The following ADAM2 variants were observed in gnomAD, a reference collection of about 807,000 sequenced individuals.
ADAM2 encodes the protein disintegrin and metalloproteinase domain-containing protein 2.
A neutral mutation model predicts 99.3 loss-of-function variants in ADAM2; 101 were observed. The observed-to-expected ratio is 1.02, with a 90% CI of 0.87 to 1.20. The LOEUF is 1.20. ADAM2 is among the 50% of genes most tolerant of loss of function. The probability of loss-of-function intolerance (pLI) is 0.00; values close to 1 mark genes in which losing one functional copy is unlikely to be tolerated. For missense variants in ADAM2, 948 were observed against 878.7 expected, an observed-to-expected ratio of 1.08 and a Z score of -1.00; for synonymous variants, 323 against 287.6, an observed-to-expected ratio of 1.12 and a Z score of -1.25.
chr8:39,814,012 T>G (rs1391067880), intron 6 of ADAM2, among the ~76,000 whole-genome samples: 1 of 150,672 alleles, frequency 6.6e-6, no homozygotes, highest in Non-Finnish European at 1.5e-5. Flanking sequence ...CACAGATGCA[T>G]GAGAGAATGC....
Position 39,746,584 on chromosome 8 carries a change from G to T in ADAM2, c.2062C>A (p.Pro688Thr). ...AAGAAAGGAATGAATAAGAAAAATG[G>T]CCATCTCATTGGTTTGGAATGGTAA... ...NIYHSKPMRW[P>T]FFLFIPFFII... The change falls in exon 19 of 21, where the codon CCA becomes ACA. Residue 688 changes from proline to threonine, a missense_variant. Physicochemically the swap from Pro to Thr is conservative, Grantham distance 38. Coordinates refer to ENST00000265708, the MANE Select transcript of ADAM2 (RefSeq NM_001464.5). 1.2e-6 allele frequency: 2 copies of T among 1,606,684 alleles called. No individual in the cohort carries two copies. The highest frequency in any genetic ancestry group is 1.7e-6 in the Non-Finnish European group (2 of 1,176,524).
At chr8:39,749,863 A>C in intron 16 of ADAM2, 119 bp from the exon 17 acceptor site, 1 of 665,602 alleles carries the variant, frequency 1.5e-6, no homozygotes, top group Non-Finnish European at 2.6e-6. Flanking sequence ...TTGATTTAGC[A>C]ACAAGAATTA....
intron 16 of ADAM2, among the ~76,000 whole-genome samples, chr8:39,752,179 C>G (rs965136613): frequency 6.6e-6 from 1 of 152,070 alleles, no homozygotes; most frequent in South Asian, 2.1e-4. Flanking sequence ...CACCAATGAC[C>G]AAGCATTTTG....
At chr8:39,834,555 A>G (rs1805742500) in intron 2 of ADAM2, among the ~76,000 whole-genome samples, 2 of 151,948 alleles carry the variant, frequency 1.3e-5, no homozygotes, top group Non-Finnish European at 2.9e-5. Flanking sequence ...CAACATGGTG[A>G]AACCCCATCT....
At chr8:39,747,072 C>T (rs1455767208) in intron 18 of ADAM2, among the ~76,000 whole-genome samples, 2 of 152,010 alleles carry the variant, frequency 1.3e-5, no homozygotes, top group Admixed American at 1.3e-4. Flanking sequence ...TTTTTGTTGT[C>T]GTTTATTTTT....
chr8:39,780,308 T>C (rs760765607), intron 10 of ADAM2, among the ~76,000 whole-genome samples: 1 of 152,102 alleles, frequency 6.6e-6, no homozygotes, highest in Non-Finnish European at 1.5e-5. Context: ...GGAGCTACAA[T>C]TCAAGATGAC....
intron 2 of ADAM2, among the ~76,000 whole-genome samples, 172 bp downstream of exon 2, chr8:39,836,964 T>C (rs1230973284): frequency 6.6e-6 from 1 of 152,184 alleles, no homozygotes. Flanking sequence ...ATTATTTCTG[T>C]GAAACATTGT....
At chr8:39,759,267 A>G (rs1802264048) in intron 15 of ADAM2, among the ~76,000 whole-genome samples, 3 of 152,186 alleles carry the variant, frequency 2.0e-5, no homozygotes, top group South Asian at 4.1e-4. Context: ...GCCAAAATGT[A>G]TCACTTACAC....
intron 10 of ADAM2, among the ~76,000 whole-genome samples, chr8:39,783,671 G>T (rs1478881699): frequency 7.9e-5 from 12 of 152,084 alleles, no homozygotes; most frequent in Admixed American, 7.9e-4. Context: ...ATATTTTAAG[G>T]CCAGGCACAG....
intron 19 of ADAM2, among the ~76,000 whole-genome samples, chr8:39,746,266 A>C (rs889618603): frequency 2.0e-5 from 3 of 152,016 alleles, no homozygotes; most frequent in African/African-American, 7.2e-5. Context: ...GCTTTAAGTG[A>C]TCCACTCGCC....
At chr8:39,782,316 T>G (rs2129584962) in intron 10 of ADAM2, among the ~76,000 whole-genome samples, 1 of 152,304 alleles carries the variant, frequency 6.6e-6, no homozygotes, top group Admixed American at 6.5e-5. Flanking sequence ...CATCTTGTAT[T>G]CCTAGAATAA....
intron 7 of ADAM2, among the ~76,000 whole-genome samples, chr8:39,807,085 G>A (rs1472654176): frequency 2.0e-5 from 3 of 152,174 alleles, no homozygotes; most frequent in Non-Finnish European, 2.9e-5. Context: ...ACCACCCAGC[G>A]ACCCCACCCA....
At chr8:39,819,280 A>T (rs1439101376) in intron 6 of ADAM2, among the ~76,000 whole-genome samples, 1 of 152,114 alleles carries the variant, frequency 6.6e-6, no homozygotes, top group Non-Finnish European at 1.5e-5. Context: ...ATGAGGAAAA[A>T]ATAATCTCTT....
chr8:39,822,840 C>A (rs974235941), intron 4 of ADAM2, among the ~76,000 whole-genome samples: 4 of 151,906 alleles, frequency 2.6e-5, no homozygotes, highest in Non-Finnish European at 5.9e-5. Context: ...GTGATCTCGG[C>A]TCACTGCAAT....
intron 7 of ADAM2, among the ~76,000 whole-genome samples, chr8:39,807,367 G>C (rs1804483218): frequency 6.6e-6 from 1 of 152,152 alleles, no homozygotes; most frequent in South Asian, 2.1e-4. Flanking sequence ...TGAGACTTTG[G>C]ACTTTAAATG....
At chr8:39,779,051 A>G (rs868821627) in intron 10 of ADAM2, among the ~76,000 whole-genome samples, 1 of 151,236 alleles carries the variant, frequency 6.6e-6, no homozygotes, top group East Asian at 1.9e-4. Flanking sequence ...CCTTCCCTGT[A>G]TTCTTACTAG....
intron 3 of ADAM2, among the ~76,000 whole-genome samples, chr8:39,828,347 G>T (rs1038326658): frequency 1.3e-5 from 2 of 151,782 alleles, no homozygotes; most frequent in African/African-American, 4.8e-5. Context: ...ATGGTAATTG[G>T]TAGGAGGACT....
intron 9 of ADAM2, 59 bp downstream of exon 9, chr8:39,788,026 C>G: frequency 8.7e-7 from 1 of 1,143,732 alleles, no homozygotes; most frequent in South Asian, 2.7e-5. Context: ...GTAAGATATT[C>G]GGTCAAATTG....
intron 14 of ADAM2, among the ~76,000 whole-genome samples, 188 bp downstream of exon 14, chr8:39,766,660 G>A (rs1450222518): frequency 2.0e-5 from 3 of 151,980 alleles, no homozygotes; most frequent in Non-Finnish European, 4.4e-5. Flanking sequence ...TGCCCGCCTC[G>A]GCCTCCCAAA....
Sources: allele counts gnomAD v4.1 joint callset (sites outside exome capture counted in the v4.1 genomes callset), GRCh38; gene constraint gnomAD v4.1.1; transcripts MANE v1.5; gene names NCBI Gene and HGNC (gene_info 2026-07-23, HGNC 2026-07-21).